The following SLC22A15 variants were observed in gnomAD, a reference collection of about 807,000 sequenced individuals.
SLC22A15 encodes the protein flipt 1.
In SLC22A15, 45 loss-of-function variants were observed where a neutral mutation model predicts 62.7. The ratio of observed to expected loss-of-function variants is 0.72; its 90% CI spans 0.56 to 0.92. The LOEUF (loss-of-function observed/expected upper bound fraction) is 0.92, where lower values mean the gene tolerates loss of function less well. Ranked by LOEUF, SLC22A15 falls within the 40% of genes least tolerant of loss-of-function variation. The pLI, the probability that SLC22A15 is intolerant of heterozygous loss-of-function variation, is 0.00. For synonymous variants in SLC22A15, 264 were observed against 267.0 expected, an observed-to-expected ratio of 0.99 and a Z score of 0.11; for missense variants, 622 against 665.6, an observed-to-expected ratio of 0.93 and a Z score of 0.72.
At chr1:116,002,967 C>A (rs769919637) in intron 2 of SLC22A15, among the ~76,000 whole-genome samples, 3 of 152,058 alleles carry the variant, frequency 2.0e-5, no homozygotes, top group Non-Finnish European at 4.4e-5. Context: ...CTGAAGCCAA[C>A]ATAAAACTGG....
intron 6 of SLC22A15, 29 bp from the exon 7 acceptor site, chr1:116,035,158 C>A (rs1371560131): frequency 6.2e-7 from 1 of 1,600,054 alleles, no homozygotes; most frequent in Admixed American, 1.7e-5. Flanking sequence ...TTGTCTTTTA[C>A]CTCCTGGTCC....
intron 4 of SLC22A15, among the ~76,000 whole-genome samples, chr1:116,024,859 C>T (rs1402545356): frequency 6.6e-6 from 1 of 152,112 alleles, no homozygotes; most frequent in Non-Finnish European, 1.5e-5. Flanking sequence ...AGGAACTATA[C>T]TTGGCAGGCC....
At chr1:115,993,518 G>T (rs1655261516) in intron 2 of SLC22A15, among the ~76,000 whole-genome samples, 1 of 151,304 alleles carries the variant, frequency 6.6e-6, no homozygotes, top group Admixed American at 6.6e-5. Context: ...CTTACCTGTT[G>T]CTGACTATTT....
chr1:116,047,003 A>G (rs1327323195), intron 8 of SLC22A15, among the ~76,000 whole-genome samples: 6 of 152,134 alleles, frequency 3.9e-5, no homozygotes, highest in Admixed American at 6.5e-5. Flanking sequence ...GCTGAAGGCA[A>G]AAGACATAAA....
intron 2 of SLC22A15, among the ~76,000 whole-genome samples, chr1:115,998,100 G>A (rs1263954156): frequency 6.6e-6 from 1 of 152,140 alleles, no homozygotes; most frequent in East Asian, 1.9e-4. Flanking sequence ...ATTTACATAT[G>A]TTGAACCATC....
chr1:115,990,643 AC>A (rs1359026852), intron 1 of SLC22A15, among the ~76,000 whole-genome samples: 1 of 152,200 alleles, frequency 6.6e-6, no homozygotes, highest in Non-Finnish European at 1.5e-5. Context: ...CAGCATCCTG[AC>A]CCATGGCAGC....
intron 8 of SLC22A15, among the ~76,000 whole-genome samples, chr1:116,058,361 A>G (rs1394402704): frequency 6.6e-6 from 1 of 152,212 alleles, no homozygotes; most frequent in Non-Finnish European, 1.5e-5. Flanking sequence ...AAAACATGAA[A>G]AAATGCTCAA....
At chr1:116,047,224 C>T (rs1004768940) in intron 8 of SLC22A15, among the ~76,000 whole-genome samples, 28 of 152,134 alleles carry the variant, frequency 1.8e-4, no homozygotes, top group African/African-American at 6.5e-4. Context: ...GTCAGGAGTT[C>T]GAGACCAGCC....
intron 8 of SLC22A15, among the ~76,000 whole-genome samples, chr1:116,042,400 A>T (rs897177707): frequency 6.6e-6 from 1 of 152,114 alleles, no homozygotes; most frequent in Non-Finnish European, 1.5e-5. Flanking sequence ...CAGGTTAAAC[A>T]CTAAACAGAA....
At chr1:115,997,493 G>A (rs887219029) in intron 2 of SLC22A15, among the ~76,000 whole-genome samples, 2 of 151,836 alleles carry the variant, frequency 1.3e-5, no homozygotes, top group African/African-American at 4.8e-5. Flanking sequence ...ATATTTTATA[G>A]CTTTCACTTT....
chr1:116,005,845 T>G (rs559369952), intron 2 of SLC22A15, among the ~76,000 whole-genome samples: 3 of 152,314 alleles, frequency 2.0e-5, no homozygotes, highest in African/African-American at 7.2e-5. Context: ...GGAGTACCCC[T>G]AATATATTGA....
chr1:116,007,952 T>A (rs758639191), intron 2 of SLC22A15, among the ~76,000 whole-genome samples: 20 of 152,142 alleles, frequency 1.3e-4, no homozygotes, highest in Non-Finnish European at 2.2e-4. Context: ...GTCCAGGGCC[T>A]CAGCACCTCT....
intron 1 of SLC22A15, 78 bp downstream of exon 1, chr1:115,976,792 C>CGCCGGG (rs768070481): frequency 7.1e-5 from 83 of 1,168,602 alleles, no homozygotes; most frequent in South Asian, 4.6e-4. Context: ...GCTCCCAGAC[C>CGCCGGG]GCCGGGGCCG....
chr1:116,035,045 G>T, intron 6 of SLC22A15, 142 bp from the exon 7 acceptor site: 1 of 841,994 alleles, frequency 1.2e-6, no homozygotes, highest in South Asian at 2.9e-5. Context: ...AGAAAAATTA[G>T]TAGGAGAGAC....
chr1:116,021,241 C>T (rs974412211), intron 4 of SLC22A15, among the ~76,000 whole-genome samples: 4 of 152,202 alleles, frequency 2.6e-5, no homozygotes, highest in Admixed American at 6.5e-5. Context: ...TCCTTTCTTA[C>T]AGCCTTTTTA....
chr1:115,995,234 T>C (rs2101109233), intron 2 of SLC22A15, among the ~76,000 whole-genome samples: 1 of 152,298 alleles, frequency 6.6e-6, no homozygotes, highest in Non-Finnish European at 1.5e-5. Flanking sequence ...TATTCTCCCC[T>C]GTCCCTGTCA....
chr1:116,013,621 A>G (rs1054468403), intron 2 of SLC22A15, among the ~76,000 whole-genome samples: 2 of 152,198 alleles, frequency 1.3e-5, no homozygotes, highest in Non-Finnish European at 2.9e-5. Context: ...GGGATTACAT[A>G]AGCATGTGGT....
intron 1 of SLC22A15, among the ~76,000 whole-genome samples, chr1:115,990,233 C>G (rs1655081797): frequency 6.6e-6 from 1 of 152,134 alleles, no homozygotes; most frequent in African/African-American, 2.4e-5. Context: ...AAGTGCCTTC[C>G]AGGCGAAGCG....
chr1:116,027,430 G>A (rs1164842985), intron 5 of SLC22A15: 2 of 489,056 alleles, frequency 4.1e-6, no homozygotes, highest in Non-Finnish European at 8.4e-6. Flanking sequence ...CTACAGATTA[G>A]TGTCATTTCA....
Sources: gnomAD v4.1 joint callset for allele counts (sites outside exome capture counted in the v4.1 genomes callset) on GRCh38, gnomAD v4.1.1 for gene constraint, MANE v1.5 for transcripts, NCBI Gene and HGNC (gene_info 2026-07-23, HGNC 2026-07-21) for gene names.